The following SLC66A3 variants were observed in gnomAD, a reference collection of about 807,000 sequenced individuals.
The protein encoded by SLC66A3 is solute carrier family 66 member 3, also known as PQ loop repeat containing 3.
SLC66A3 carries 23 observed loss-of-function variants against 25.5 expected under a neutral mutation model. That is an observed-to-expected ratio of 0.90 (90% CI 0.65 to 1.28). The LOEUF is 1.28. SLC66A3 is among the 50% of genes most tolerant of loss of function. SLC66A3 has a pLI of 0.00. For missense variants in SLC66A3, 246 were observed against 262.1 expected, an observed-to-expected ratio of 0.94 and a Z score of 0.42; for synonymous variants, 108 against 112.6, an observed-to-expected ratio of 0.96 and a Z score of 0.26.
intron 1 of SLC66A3, among the ~76,000 whole-genome samples, chr2:11,160,063 G>A (rs897937608): frequency 6.6e-6 from 1 of 152,212 alleles, no homozygotes; most frequent in African/African-American, 2.4e-5. Context: ...CAGAGTGGAG[G>A]GCAGATGTGT....
rs772988111 is a variant in SLC66A3 at position 11,155,488 on chromosome 2, G to A, written c.-59G>A. 6 of 1,425,186 alleles carry A rather than the reference G, an allele frequency of 4.2e-6. No individual in the cohort carries two copies. The East Asian group carries it at 1.5e-4, about 36-fold the overall frequency. The allele number at this position is 1,425,186 out of a possible 1,614,324, so 88.3% of individuals were successfully genotyped here. ...CGGAAGGCTTCGGCAGAGCTGCGCCGCCGAGGCTGAGCGGTCCCTTCTCGC... is the reference window on the plus strand; with the variant it reads ...CGGAAGGCTTCGGCAGAGCTGCGCCACCGAGGCTGAGCGGTCCCTTCTCGC... On this transcript the variant is annotated 5_prime_UTR_variant, in exon 1 of 7. Transcript: ENST00000295083.
chr2:11,163,671 C>T (rs1423943617), intron 3 of SLC66A3, among the ~76,000 whole-genome samples: 1 of 152,188 alleles, frequency 6.6e-6, no homozygotes, highest in Non-Finnish European at 1.5e-5. Flanking sequence ...TGTTCAGCTC[C>T]CTAGCTGGCC....
At chr2:11,159,255 C>T (rs999515049) in intron 1 of SLC66A3, among the ~76,000 whole-genome samples, 15 of 152,156 alleles carry the variant, frequency 9.9e-5, no homozygotes, top group Non-Finnish European at 2.1e-4. Context: ...CCTCTGCCAG[C>T]CCCCCTGGGC....
intron 6 of SLC66A3, among the ~76,000 whole-genome samples, chr2:11,176,880 A>G (rs1662772627): frequency 8.2e-6 from 1 of 122,472 alleles, no homozygotes; most frequent in South Asian, 2.9e-4. Context: ...GTGTTTTTCA[A>G]ACACAAAGAT....
chr2:11,161,305 G>A (rs192604031), intron 3 of SLC66A3, among the ~76,000 whole-genome samples: 1 of 151,762 alleles, frequency 6.6e-6, no homozygotes, highest in Non-Finnish European at 1.5e-5. Flanking sequence ...TTTTGAGACG[G>A]TCTCGCTCTG....
At chr2:11,174,107 G>A (rs574238647) in intron 5 of SLC66A3, among the ~76,000 whole-genome samples, 226 of 152,012 alleles carry the variant, frequency 1.5e-3, no homozygotes, top group Non-Finnish European at 2.5e-3. Flanking sequence ...ACAGGTGCCC[G>A]CCACCACACC....
At chr2:11,172,521 T>G (rs1198711736) in intron 5 of SLC66A3, among the ~76,000 whole-genome samples, 1 of 152,238 alleles carries the variant, frequency 6.6e-6, no homozygotes, top group Non-Finnish European at 1.5e-5. Flanking sequence ...TTACAAAAAC[T>G]ACCTAAAATA....
intron 4 of SLC66A3, among the ~76,000 whole-genome samples, chr2:11,167,731 C>T (rs1459418866): frequency 1.3e-5 from 2 of 152,046 alleles, no homozygotes; most frequent in Admixed American, 6.6e-5. Flanking sequence ...ATCTGAGGGT[C>T]GTGGAGCCCC....
rs1255794825 is a variant in SLC66A3 at position 11,157,068 on chromosome 2, G to T, written c.143+1379G>T. Reference sequence around the variant, plus strand: ...GAAAAGAAGCCAGGCTGTCTGTAGAGTCTATAGATTCCCTCCTGCCGCCAG... The same window carrying T: ...GAAAAGAAGCCAGGCTGTCTGTAGATTCTATAGATTCCCTCCTGCCGCCAG... On this transcript the variant is annotated intron_variant, in intron 1 of 6. Coordinates refer to ENST00000295083, the MANE Select transcript of SLC66A3 (RefSeq NM_152391.5). 1.2e-4 allele frequency among the ~76,000 whole-genome samples: 19 copies of T among 152,202 alleles called. 1 individual carries two copies.
chr2:11,155,518 G>A lies in SLC66A3; in HGVS notation c.-29G>A, dbSNP rs1661855088. On this transcript the variant is annotated 5_prime_UTR_variant, in exon 1 of 7. Coordinates refer to ENST00000295083, the MANE Select transcript of SLC66A3 (RefSeq NM_152391.5). The stretch of plus-strand genomic sequence containing the variant: ...GGCTGAGCGGTCCCTTCTCGCTGCG[G>A]CCGCCCAGGTGCCCGCGCCCGTGGC... 2.7e-6 allele frequency: 4 copies of A among 1,479,278 alleles called. No homozygotes were observed. The highest frequency in any genetic ancestry group is 1.3e-5 in the South Asian group (1 of 78,540). 91.6% of individuals were successfully genotyped at this position (1,479,278 alleles called of 1,614,324 possible).
chr2:11,163,971 T>C (rs1025017539), intron 3 of SLC66A3, among the ~76,000 whole-genome samples: 4 of 152,118 alleles, frequency 2.6e-5, no homozygotes, highest in Non-Finnish European at 5.9e-5. Context: ...TGAGCGTGGG[T>C]GTCTTTGTAT....
At chr2:11,177,209 C>T (rs1662785893) in intron 6 of SLC66A3, among the ~76,000 whole-genome samples, 1 of 152,096 alleles carries the variant, frequency 6.6e-6, no homozygotes, top group South Asian at 2.1e-4. Flanking sequence ...CCTGTAATCC[C>T]AGCACTTTGG....
At position 11,164,345 on chromosome 2, in the gene SLC66A3, A is replaced by ATATTTT; in HGVS notation, c.354+85_354+86insATTTTT. ...TAGATATTTATATATATATATATAT[A>ATATTTT]TTTTTTTTTTTTTGAAATGGAGTTT... On this transcript the variant is annotated intron_variant, in intron 4 of 6. Coordinates refer to ENST00000295083, the MANE Select transcript of SLC66A3 (RefSeq NM_152391.5). 65 of 92,782 alleles carry ATATTTT rather than the reference A, an allele frequency of 7.0e-4. 1 individual carries two copies. Among genetic ancestry groups the ATATTTT allele is most frequent in the South Asian group, 2.2e-3 (5 of 2,324 alleles). 5.7% of individuals were successfully genotyped at this position (92,782 alleles called of 1,614,324 possible).
intron 3 of SLC66A3, 46 bp from the exon 4 acceptor site, chr2:11,164,158 C>T (rs781314725): frequency 6.8e-6 from 8 of 1,183,962 alleles, no homozygotes; most frequent in South Asian, 5.3e-5. Flanking sequence ...GGGAGGGTGG[C>T]GCGGATGTGG....
At chr2:11,174,748 T>A (rs1662677016) in intron 5 of SLC66A3, among the ~76,000 whole-genome samples, 1 of 152,210 alleles carries the variant, frequency 6.6e-6, no homozygotes, top group Non-Finnish European at 1.5e-5. Context: ...TGATCCGGCA[T>A]GGCTAGTTTT....
intron 1 of SLC66A3, among the ~76,000 whole-genome samples, chr2:11,156,582 G>A (rs1661910504): frequency 6.6e-6 from 1 of 152,108 alleles, no homozygotes; most frequent in Admixed American, 6.5e-5. Context: ...AGGGGTGCGG[G>A]GGAGAAAGAG....
At position 11,165,264 on chromosome 2, in the gene SLC66A3, G is replaced by T. The variant is rs1218285584; in HGVS notation, c.354+1003G>T. 8.7e-4 allele frequency among the ~76,000 whole-genome samples: 115 copies of T among 131,992 alleles called. 1 individual carries two copies. The highest frequency in any genetic ancestry group is 2.9e-3 in the African/African-American group (89 of 31,102). 86.6% of individuals were successfully genotyped at this position (131,992 alleles called of 152,430 possible). ...GCGTAGGGGCTCCTCACTTCTCAGA[G>T]GGGCGGCTGCCGGGCAGAGGGGCTC... On this transcript the variant is annotated intron_variant, in intron 4 of 6. Coordinates refer to ENST00000295083, the MANE Select transcript of SLC66A3 (RefSeq NM_152391.5).
chr2:11,176,525 C>T (rs1274655298), intron 6 of SLC66A3, among the ~76,000 whole-genome samples: 4 of 87,300 alleles, frequency 4.6e-5, no homozygotes, highest in Non-Finnish European at 6.6e-5. Context: ...CTGGGAATAA[C>T]TTTTTTTTTT....
At chr2:11,177,667 C>CT in intron 6 of SLC66A3, 70 bp from the exon 7 acceptor site, 2 of 944,726 alleles carry the variant, frequency 2.1e-6, no homozygotes, top group East Asian at 2.5e-5. Flanking sequence ...TAGGCTTATA[C>CT]TTTGAGCAGG....
Sources: gnomAD v4.1 joint callset for allele counts (sites outside exome capture counted in the v4.1 genomes callset) on GRCh38, gnomAD v4.1.1 for gene constraint, MANE v1.5 for transcripts, NCBI Gene and HGNC (gene_info 2026-07-23, HGNC 2026-07-21) for gene names.